The following SPTAN1 variants were observed in gnomAD, a reference collection of about 807,000 sequenced individuals.
SPTAN1 encodes the protein spectrin alpha, non-erythrocytic 1.
SPTAN1 carries 61 observed loss-of-function variants against 331.3 expected under a neutral mutation model. That is an observed-to-expected ratio of 0.18 (90% CI 0.15 to 0.23). The LOEUF (loss-of-function observed/expected upper bound fraction) is 0.23, where lower values mean the gene tolerates loss of function less well. Ranked by LOEUF, SPTAN1 falls within the 10% of genes least tolerant of loss-of-function variation. SPTAN1 has a pLI of 1.00. For synonymous variants in SPTAN1, 1,153 were observed against 1,173.9 expected, an observed-to-expected ratio of 0.98 and a Z score of 0.36; for missense variants, 2,043 against 3,147.9, an observed-to-expected ratio of 0.65 and a Z score of 8.40.
intron 45 of SPTAN1, among the ~76,000 whole-genome samples, chr9:128,623,071 T>G (rs1360813642): frequency 6.6e-6 from 1 of 151,882 alleles, no homozygotes; most frequent in African/African-American, 2.4e-5. Flanking sequence ...TTTTTATTTT[T>G]TGAGATGGAG....
intron 39 of SPTAN1, 127 bp downstream of exon 39, chr9:128,612,373 ATTAT>A (rs1235149916): frequency 2.5e-6 from 3 of 1,218,142 alleles, no homozygotes; most frequent in Non-Finnish European, 3.6e-6. Context: ...AGAAACCCTT[ATTAT>A]ATATGAGTTG....
chr9:128,627,525 A>G lies in SPTAN1; in HGVS notation c.6689+27A>G. 6.5e-7 allele frequency: 1 copy of G among 1,535,286 alleles called. No homozygotes were observed. The highest frequency in any genetic ancestry group is 8.8e-7 in the Non-Finnish European group (1 of 1,132,700). On this transcript the variant is annotated intron_variant, in intron 50 of 56. Transcript: ENST00000372739. The surrounding 1 kb of genome is among the most constrained non-coding windows in gnomAD (Gnocchi z 4.9). ...TGCCAGCCCGCTGGGGCCGGGGAGC[A>G]GCAGCATGTCCCTGCTGTACTTAAG...
At chr9:128,587,510 G>A (rs750280372) in intron 19 of SPTAN1, 96 bp from the exon 20 acceptor site, 23 of 945,204 alleles carry the variant, frequency 2.4e-5, no homozygotes, top group Non-Finnish European at 3.8e-5. Context: ...GTGCAACTGA[G>A]AAAGGCTGTT....
rs1853564051 is a variant in SPTAN1, at chr9:128,591,751, CCCCACTTTGAG to C, written c.3155+132_3155+142del. On this transcript the variant is annotated intron_variant, in intron 22 of 56. Transcript: ENST00000372739. Reference sequence around the variant, plus strand: ...ACCTGCACGCCTCCTGCTGTCTCCACCCCACTTTGAGCCCACAGACCTCCCTGTGTGGGTCT... The same window carrying C: ...ACCTGCACGCCTCCTGCTGTCTCCACCCCACAGACCTCCCTGTGTGGGTCT... 21 of 1,220,970 alleles carry C rather than the reference CCCCACTTTGAG, an allele frequency of 1.7e-5. No individual in the cohort carries two copies. In the South Asian group the frequency reaches 2.9e-4, roughly 17 times the overall value. 75.6% of individuals were successfully genotyped at this position (1,220,970 alleles called of 1,614,324 possible). A position where few individuals can be genotyped will look rare whatever the true frequency, so the allele number is the denominator to read the frequency against.
intron 21 of SPTAN1, among the ~76,000 whole-genome samples, chr9:128,590,013 C>G (rs904296994): frequency 5.9e-5 from 9 of 152,184 alleles, no homozygotes; most frequent in Non-Finnish European, 4.4e-5. Context: ...GGTCCACCAG[C>G]CTTTCTTCCC....
At chr9:128,600,254 G>GA in intron 27 of SPTAN1, 139 bp downstream of exon 27, 1 of 922,740 alleles carries the variant, frequency 1.1e-6, no homozygotes, top group African/African-American at 1.6e-5. Flanking sequence ...GTTTCTTTCT[G>GA]AATCTGTTAA....
chr9:128,565,470 C>CA (rs1376658937), intron 1 of SPTAN1, among the ~76,000 whole-genome samples: 1 of 151,666 alleles, frequency 6.6e-6, no homozygotes, highest in East Asian at 1.9e-4. Context: ...AAAATCAGCT[C>CA]ATCTACACTT....
intron 15 of SPTAN1, 58 bp downstream of exon 15, chr9:128,583,339 C>T: frequency 6.5e-7 from 1 of 1,544,618 alleles, no homozygotes; most frequent in East Asian, 2.3e-5. Flanking sequence ...ATACCCCTTT[C>T]TATTAAGTAT....
intron 21 of SPTAN1, 55 bp downstream of exon 21, chr9:128,588,998 C>T: frequency 1.2e-6 from 2 of 1,604,354 alleles, no homozygotes; most frequent in Admixed American, 3.4e-5. Context: ...TCCACGTATG[C>T]TCAGTTGGGT....
Position 128,584,271 on chromosome 9 carries a change from T to G in SPTAN1, c.2194-11T>G. 1 of 1,614,196 alleles carries G rather than the reference T, an allele frequency of 6.2e-7. No individual in the cohort carries two copies. ...CAAAGTAAAGTCTGCTCTGTCCTTT[T>G]GCATTCCCAGGACCGAATTGATGGC... On this transcript the variant is annotated splice_polypyrimidine_tract_variant and intron_variant, in intron 16 of 56. Transcript: ENST00000372739.
At chr9:128,623,491 T>C (rs1263183671) in intron 45 of SPTAN1, among the ~76,000 whole-genome samples, 1 of 151,942 alleles carries the variant, frequency 6.6e-6, no homozygotes, top group Non-Finnish European at 1.5e-5. Flanking sequence ...AGTCTTGCTG[T>C]GTTGCCCAGG....
chr9:128,613,684 T>A (rs1856809188), intron 40 of SPTAN1, among the ~76,000 whole-genome samples, 199 bp downstream of exon 40: 1 of 152,220 alleles, frequency 6.6e-6, no homozygotes, highest in Non-Finnish European at 1.5e-5. Flanking sequence ...GTAGGTTTTA[T>A]CAATGCTCAC....
At chr9:128,554,114 G>T (rs904304355) in intron 1 of SPTAN1, among the ~76,000 whole-genome samples, 1 of 152,166 alleles carries the variant, frequency 6.6e-6, no homozygotes, top group African/African-American at 2.4e-5. Context: ...TGCAGTAAAG[G>T]CCTCTGTGCA....
At chr9:128,626,734 T>C in intron 49 of SPTAN1, 47 bp downstream of exon 49, 1 of 1,545,666 alleles carries the variant, frequency 6.5e-7, no homozygotes, top group Non-Finnish European at 8.7e-7. Flanking sequence ...CCCAGAGCCC[T>C]CTCTGGGCCC....
At chr9:128,575,377 A>G (rs777564337) in intron 5 of SPTAN1, 32 bp downstream of exon 5, 2 of 1,605,390 alleles carry the variant, frequency 1.2e-6, no homozygotes, top group Non-Finnish European at 1.7e-6. Context: ...GCTTCTCACA[A>G]CATTATTATG....
At chr9:128,630,080 G>T in intron 51 of SPTAN1, 5 of 693,520 alleles carry the variant, frequency 7.2e-6, no homozygotes, top group South Asian at 7.1e-5. Flanking sequence ...AGCAAGACGA[G>T]TGGGCTCAGC....
intron 40 of SPTAN1, among the ~76,000 whole-genome samples, chr9:128,613,961 C>T (rs1017179567): frequency 2.0e-5 from 3 of 150,214 alleles, no homozygotes; most frequent in African/African-American, 4.9e-5. Flanking sequence ...GCCAAGATCG[C>T]GCCACGGCAC....
At chr9:128,624,121 A>C (rs1858365791) in intron 45 of SPTAN1, among the ~76,000 whole-genome samples, 1 of 149,894 alleles carries the variant, frequency 6.7e-6, no homozygotes, top group South Asian at 2.1e-4. Context: ...AAGAATTCCT[A>C]AAAGTAGAAT....
At chr9:128,615,571 A>T (rs1307288464) in intron 40 of SPTAN1, 61 bp from the exon 41 acceptor site, 1 of 1,575,330 alleles carries the variant, frequency 6.3e-7, no homozygotes, top group East Asian at 2.2e-5. Context: ...CTGAGTTCTT[A>T]TGTTCAAGCA....
Sources: gnomAD v4.1 joint callset for allele counts (sites outside exome capture counted in the v4.1 genomes callset) on GRCh38, gnomAD v4.1.1 for gene constraint, Gnocchi (gnomAD v3.1) non-coding constraint, MANE v1.5 for transcripts, NCBI Gene and HGNC (gene_info 2026-07-23, HGNC 2026-07-21) for gene names.